Variants in TOP3B observed in about 807,000 individuals in gnomAD.
TOP3B encodes DNA topoisomerase III beta.
A neutral mutation model predicts 93.9 loss-of-function variants in TOP3B; 45 were observed. That is an observed-to-expected ratio of 0.48 (90% CI 0.38 to 0.61). The LOEUF is 0.61. Among genes scored for constraint, TOP3B ranks in the 20% least tolerant of loss-of-function variants. TOP3B has a pLI of 0.00. For missense variants in TOP3B, 750 were observed against 1,156.1 expected, an observed-to-expected ratio of 0.65 and a Z score of 5.09; for synonymous variants, 357 against 472.6, an observed-to-expected ratio of 0.76 and a Z score of 3.17.
In TOP3B at chr22:21,965,498, T is replaced by C. The variant is rs560725813; in HGVS notation, c.853-123A>G. 5 of 488,860 alleles carry C rather than the reference T, an allele frequency of 1.0e-5. No homozygotes were observed. In the East Asian group the frequency reaches 1.4e-4, roughly 13 times the overall value. The allele number at this position is 488,860 out of a possible 1,614,324, so 30.3% of individuals were successfully genotyped here. On this transcript the variant is annotated intron_variant, in intron 8 of 17. Coordinates refer to ENST00000357179, the MANE Select transcript of TOP3B (RefSeq NM_001282112.2). ...GTCTCCCTGTTTCTCCAATTCATTCTTCCCAACAGTCTAAAGACTTGATTG... is the reference window on the plus strand; with the variant it reads ...GTCTCCCTGTTTCTCCAATTCATTCCTCCCAACAGTCTAAAGACTTGATTG...
rs1016771891 is a variant in TOP3B at position 21,970,997 on chromosome 22, G to A, written c.385-591C>T. On this transcript the variant is annotated intron_variant, in intron 5 of 17. Coordinates refer to ENST00000357179, the MANE Select transcript of TOP3B (RefSeq NM_001282112.2). This position sits in a 1 kb window ranked among gnomAD's most constrained non-coding sequence, Gnocchi z 4.4. ...AGACTCACTAGGAAGGCCGTGCAGT[G>A]GGACTAGGGTCGCCGCCGGAGCCTG... is the stretch of plus-strand genomic sequence containing the variant. The A allele has an allele frequency of 1.3e-5, 17 of 1,287,818 alleles. No individual in the cohort carries two copies. Among genetic ancestry groups the A allele is most frequent in the Non-Finnish European group, 1.6e-5 (16 of 980,046 alleles). The allele number at this position is 1,287,818 out of a possible 1,614,324, so 79.8% of individuals were successfully genotyped here. A position where few individuals can be genotyped will look rare whatever the true frequency, so the allele number is the denominator to read the frequency against.
chr22:21,964,133 A>G (rs376244734), intron 10 of TOP3B, 28 bp downstream of exon 10: 74 of 1,613,494 alleles, frequency 4.6e-5, no homozygotes, highest in Non-Finnish European at 6.2e-5. Flanking sequence ...ACACACACAC[A>G]TGCTGAGGCC....
At chr22:21,979,167 C>T (rs1008715096) in intron 1 of TOP3B, among the ~76,000 whole-genome samples, 3 of 151,676 alleles carry the variant, frequency 2.0e-5, no homozygotes, top group Admixed American at 1.3e-4. Context: ...GGGAGTGGGT[C>T]AGGGTTCGAG....
rs777663485 is a variant in TOP3B, at chr22:21,967,585, T to G, written c.852+18A>C. ...TCACCCAAGGCAACTGTGATAGATG[T>G]GGGTGGAGCAGGCACACCTGGGCTT... On this transcript the variant is annotated intron_variant, in intron 8 of 17. Coordinates refer to ENST00000357179, the MANE Select transcript of TOP3B (RefSeq NM_001282112.2). The G allele has an allele frequency of 1.7e-5, 27 of 1,605,014 alleles. No homozygotes were observed. The highest frequency in any genetic ancestry group is 1.7e-4 in the Middle Eastern group (1 of 6,060).
chr22:21,965,478 CCT>C (rs1343258350), intron 8 of TOP3B, 103 bp from the exon 9 acceptor site: 10 of 558,296 alleles, frequency 1.8e-5, no homozygotes, highest in Admixed American at 7.5e-5. Context: ...ATCTGGTCTC[CCT>C]GTTTCTCCAA....
In TOP3B at chr22:21,970,471, C is replaced by G; in HGVS notation, c.385-65G>C. Reference sequence around the variant, plus strand: ...ATCCCTGCCACAGCTCCCCACCCCACTGTGAAGCCTGGTTCCTTCCAGGAA... The same window carrying G: ...ATCCCTGCCACAGCTCCCCACCCCAGTGTGAAGCCTGGTTCCTTCCAGGAA... On this transcript the variant is annotated intron_variant, in intron 5 of 17. Coordinates refer to ENST00000357179, the MANE Select transcript of TOP3B (RefSeq NM_001282112.2). The surrounding 1 kb of genome is among the most constrained non-coding windows in gnomAD (Gnocchi z 4.4). 6.5e-7 allele frequency: 1 copy of G among 1,542,544 alleles called. No individual in the cohort carries two copies.
chr22:21,978,865 G>T (rs1601870841), intron 1 of TOP3B, among the ~76,000 whole-genome samples: 1 of 152,188 alleles, frequency 6.6e-6, no homozygotes, highest in South Asian at 2.1e-4. Context: ...GGCTGTGCCA[G>T]CATGTTCTCC....
intron 13 of TOP3B, chr22:21,962,093 C>T: frequency 8.0e-7 from 1 of 1,252,862 alleles, no homozygotes; most frequent in Non-Finnish European, 1.0e-6. Context: ...GCTGTGTGGA[C>T]TCAGGGGACT....
At position 21,959,138 on chromosome 22, in the gene TOP3B, G is replaced by A. The variant is rs750220851; in HGVS notation, c.1899C>T (p.Tyr633=). Residue 633 remains tyrosine, a synonymous_variant, in exon 16 of 18, where the codon TAC becomes TAT. Coordinates refer to ENST00000357179, the MANE Select transcript of TOP3B (RefSeq NM_001282112.2). ...RCGKCHRFMK[Y]IQAKPSRLHC... Reference sequence around the variant, plus strand: ...TAGTGTTCCCTGCACCTACCTGGATGTACTTCATGAAGCGGTGGCACTTCC... The same window carrying A: ...TAGTGTTCCCTGCACCTACCTGGATATACTTCATGAAGCGGTGGCACTTCC... 2 of 1,613,862 alleles carry A rather than the reference G, an allele frequency of 1.2e-6. No homozygotes were observed. Among genetic ancestry groups the A allele is most frequent in the East Asian group, 4.5e-5 (2 of 44,886 alleles).
intron 16 of TOP3B, chr22:21,958,911 C>T (rs979275966): frequency 9.5e-7 from 1 of 1,049,224 alleles, no homozygotes; most frequent in Non-Finnish European, 1.3e-6. Context: ...TGGCAAGTGG[C>T]ATGGTGTTAG....
intron 4 of TOP3B, 163 bp from the exon 5 acceptor site, chr22:21,972,114 C>A: frequency 1.7e-6 from 1 of 579,068 alleles, no homozygotes. Flanking sequence ...GAGGCTGGCT[C>A]AGCCAACAGA....
intron 17 of TOP3B, chr22:21,958,033 G>C (rs1601805895): frequency 7.6e-7 from 1 of 1,315,060 alleles, no homozygotes; most frequent in East Asian, 4.8e-5. Flanking sequence ...AGCACACGGT[G>C]AATGTGGGCA....
rs370409887 is a variant in TOP3B at position 21,968,597 on chromosome 22, T to C, written c.738+22A>G. The C allele has an allele frequency of 5.1e-5, 83 of 1,612,962 alleles. No individual in the cohort carries two copies. The African/African-American group carries it at 8.9e-4, about 17-fold the overall frequency. On this transcript the variant is annotated intron_variant, in intron 7 of 17. Transcript: ENST00000357179. Reference sequence around the variant, plus strand: ...GCCCCAAACCCAGAAAGCCCCAGCATGAATAGAGAAAGGCAAGGAACCTTG... The same window carrying C: ...GCCCCAAACCCAGAAAGCCCCAGCACGAATAGAGAAAGGCAAGGAACCTTG...
chr22:21,967,994 C>T (rs2071480240), intron 7 of TOP3B: 4 of 421,998 alleles, frequency 9.5e-6, no homozygotes, highest in Admixed American at 7.8e-5. Context: ...CTACTTCTCA[C>T]ACCACCCCTG....
At chr22:21,966,476 T>A (rs1182928067) in intron 8 of TOP3B, 3 of 152,198 alleles carry the variant, frequency 2.0e-5, no homozygotes, top group Non-Finnish European at 1.5e-5. Flanking sequence ...CTAGTATTGC[T>A]ACCTCTTCTG....
intron 7 of TOP3B, chr22:21,968,061 C>T (rs911884709): frequency 1.1e-4 from 35 of 317,206 alleles, no homozygotes; most frequent in Admixed American, 6.0e-4. Context: ...TCCCAAGCCC[C>T]GTGTCAGCCA....
chr22:21,970,576 T>C lies in TOP3B; in HGVS notation c.385-170A>G, dbSNP rs1353747627. On this transcript the variant is annotated intron_variant, in intron 5 of 17. Coordinates refer to ENST00000357179, the MANE Select transcript of TOP3B (RefSeq NM_001282112.2). The surrounding 1 kb of genome is among the most constrained non-coding windows in gnomAD (Gnocchi z 4.4). ...CTTTCCTGCACCTGCCAGACCCTCC[T>C]CTATCCCCCTGCCTTTCCAGAAGCC... is the stretch of plus-strand genomic sequence containing the variant. 1.5e-6 allele frequency: 1 copy of C among 672,130 alleles called. No individual in the cohort carries two copies. Among genetic ancestry groups the C allele is most frequent in the Non-Finnish European group, 2.5e-6 (1 of 400,554 alleles). 41.6% of individuals were successfully genotyped at this position (672,130 alleles called of 1,614,324 possible).
Position 21,967,699 on chromosome 22 carries a change from G to C in TOP3B, c.756C>G (p.Asp252Glu), listed in dbSNP as rs1397747862. Reference sequence around the variant, plus strand: ...GGTCCCAGTCCAAAAGGAGAGATCTGTCTTTGTCAGTGTTAACCTGCAGGA... The same window carrying C: ...GGTCCCAGTCCAAAAGGAGAGATCTCTCTTTGTCAGTGTTAACCTGCAGGA... ...VLQAKVNTDKDRSLLLDWDRV... is the reference protein window; with the variant it reads ...VLQAKVNTDKERSLLLDWDRV... Residue 252 changes from aspartate (D) to glutamate (E), a missense_variant, in exon 8 of 18, where the codon GAC (aspartate) becomes GAG (glutamate). Transcript: ENST00000357179. 1.9e-6 allele frequency: 3 copies of C among 1,613,900 alleles called. No homozygotes were observed. The highest frequency in any genetic ancestry group is 1.7e-5 in the Admixed American group (1 of 60,024).
chr22:21,967,109 A>G lies in TOP3B; in HGVS notation c.852+494T>C, dbSNP rs192184950. The stretch of plus-strand genomic sequence containing the variant: ...CACCTCACCGTTTTCCTAACAGCCA[A>G]GCAGCATGTCCTTTCAATTCATAGA... On this transcript the variant is annotated intron_variant, in intron 8 of 17. Coordinates refer to ENST00000357179, the MANE Select transcript of TOP3B (RefSeq NM_001282112.2). The G allele has an allele frequency of 1.0e-4, 17 of 164,756 alleles. No individual in the cohort carries two copies. In the East Asian group the frequency reaches 2.9e-3, roughly 28 times the overall value. The allele number at this position is 164,756 out of a possible 1,614,324, so 10.2% of individuals were successfully genotyped here. A position where few individuals can be genotyped will look rare whatever the true frequency, so the allele number is the denominator to read the frequency against.
Sources: allele counts gnomAD v4.1 joint callset (sites outside exome capture counted in the v4.1 genomes callset), GRCh38; gene constraint gnomAD v4.1.1; non-coding constraint Gnocchi (gnomAD v3.1); transcripts MANE v1.5; gene names NCBI Gene and HGNC (gene_info 2026-07-23, HGNC 2026-07-21).